ZNF407: variants seen among roughly 807,000 people sequenced by gnomAD.
ZNF407 encodes zinc finger protein 407.
In ZNF407, 17 loss-of-function variants were observed where a neutral mutation model predicts 131.2. That is an observed-to-expected ratio of 0.13 (90% confidence interval 0.09 to 0.19). The LOEUF (loss-of-function observed/expected upper bound fraction) is 0.19. Ranked by LOEUF, ZNF407 falls within the 10% of genes least tolerant of loss-of-function variation. The pLI, the probability that ZNF407 is intolerant of heterozygous loss-of-function variation, is 1.00. For missense variants in ZNF407, 2,681 were observed against 2,830.6 expected (o/e 0.95, Z 1.20); for synonymous variants, 1,156 against 1,062.0 (o/e 1.09, Z -1.72).
intron 3 of ZNF407, among the ~76,000 whole-genome samples, chr18:74,651,963 A>G (rs985186030): frequency 1.3e-5 from 2 of 152,156 alleles, no homozygotes; most frequent in African/African-American, 4.8e-5. Flanking sequence ...TATACTGAGT[A>G]CAGACCAGTG....
At chr18:74,975,699 C>T (rs564994674) in intron 8 of ZNF407, among the ~76,000 whole-genome samples, 176 of 152,300 alleles carry the variant, frequency 1.2e-3, no homozygotes, top group Non-Finnish European at 1.9e-3. Flanking sequence ...TGATCAGCTT[C>T]AGTGAGTATA....
intron 3 of ZNF407, among the ~76,000 whole-genome samples, chr18:74,684,597 G>A (rs1337339117): frequency 6.6e-6 from 1 of 152,136 alleles, no homozygotes; most frequent in Non-Finnish European, 1.5e-5. Flanking sequence ...TGTAAACTGA[G>A]TATCGTACTG....
chr18:74,933,367 A>G (rs1005413436), intron 8 of ZNF407, among the ~76,000 whole-genome samples: 1 of 152,190 alleles, frequency 6.6e-6, no homozygotes, highest in African/African-American at 2.4e-5. Context: ...GTCGAAGTCA[A>G]AGAGATAGAA....
chr18:74,986,065 T>G (rs2920353), intron 8 of ZNF407, among the ~76,000 whole-genome samples: 31,303 of 152,118 alleles, frequency 0.21, 3,666 homozygotes, highest in Admixed American at 0.3. Flanking sequence ...ATACAGCATT[T>G]TTGCCATCTC....
At chr18:74,746,869 A>G (rs1968681613) in intron 3 of ZNF407, among the ~76,000 whole-genome samples, 3 of 152,296 alleles carry the variant, frequency 2.0e-5, no homozygotes, top group Admixed American at 1.3e-4. Context: ...TAAGCCGGTA[A>G]CATAGTTGTT....
intron 8 of ZNF407, among the ~76,000 whole-genome samples, chr18:75,026,536 A>T (rs544831960): frequency 2.0e-4 from 30 of 152,354 alleles, no homozygotes; most frequent in African/African-American, 6.7e-4. Context: ...GAAACACAAG[A>T]ATAAACAATT....
intron 3 of ZNF407, among the ~76,000 whole-genome samples, chr18:74,681,856 G>A (rs900707686): frequency 2.0e-5 from 3 of 151,922 alleles, no homozygotes; most frequent in Non-Finnish European, 4.4e-5. Context: ...TCATTTAATG[G>A]CATTGTTAGT....
intron 4 of ZNF407, among the ~76,000 whole-genome samples, chr18:74,828,605 A>C (rs983878812): frequency 6.6e-6 from 1 of 152,220 alleles, no homozygotes; most frequent in Non-Finnish European, 1.5e-5. Context: ...AGCACTGCTT[A>C]TGGGAACCTG....
rs113623504 is a variant in ZNF407 at position 74,823,618 on chromosome 18, G to A, written c.4877+42116G>A. ...CAAAGATCAAAAGAGACAAAGAAGG[G>A]CATTACATAATGGTAAAGGTATCAA... On this transcript the variant is annotated intron_variant, in intron 4 of 8. Transcript: ENST00000299687. Among the ~76,000 whole-genome samples, 947 of 152,166 alleles carry A rather than the reference G, an allele frequency of 6.2e-3. 12 individuals carry two copies. Among genetic ancestry groups the A allele is most frequent in the African/African-American group, 0.018 (767 of 41,520 alleles).
At chr18:74,765,149 C>G (rs140114791) in intron 3 of ZNF407, among the ~76,000 whole-genome samples, 2 of 152,208 alleles carry the variant, frequency 1.3e-5, no homozygotes, top group African/African-American at 2.4e-5. Context: ...TTCCTAGAAC[C>G]AATTCCCCAG....
intron 3 of ZNF407, among the ~76,000 whole-genome samples, chr18:74,655,404 G>GA (rs527462579): frequency 8.8e-4 from 134 of 151,940 alleles, no homozygotes; most frequent in Non-Finnish European, 1.8e-3. Context: ...TTTATTATTT[G>GA]AAAAAATATA....
chr18:74,877,164 A>G (rs746438441), intron 4 of ZNF407, 33 bp from the exon 5 acceptor site: 5 of 1,606,952 alleles, frequency 3.1e-6, no homozygotes, highest in Non-Finnish European at 4.3e-6. Context: ...TGTGCGGGCC[A>G]TATTTATATT....
intron 4 of ZNF407, among the ~76,000 whole-genome samples, chr18:74,828,401 A>G (rs1045007061): frequency 6.6e-6 from 1 of 152,188 alleles, no homozygotes; most frequent in Admixed American, 6.5e-5. Flanking sequence ...TGGCCAGGAA[A>G]AGTTTCCACA....
At chr18:75,015,617 C>T (rs1973034875) in intron 8 of ZNF407, among the ~76,000 whole-genome samples, 1 of 149,444 alleles carries the variant, frequency 6.7e-6, no homozygotes, top group Admixed American at 6.7e-5. Flanking sequence ...CTTCAGACTT[C>T]CTAGCTAGAT....
At chr18:74,994,834 G>A (rs151311629) in intron 8 of ZNF407, among the ~76,000 whole-genome samples, 44 of 152,254 alleles carry the variant, frequency 2.9e-4, no homozygotes, top group African/African-American at 1.0e-3. Flanking sequence ...CAGAATTCTG[G>A]GAGTGACTTT....
At position 74,632,756 on chromosome 18, in the gene ZNF407, C is replaced by T. The variant is rs1407628596; in HGVS notation, c.1737C>T (p.Asn579=). 1 of 1,613,966 alleles carries T rather than the reference C, an allele frequency of 6.2e-7. No homozygotes were observed. The highest frequency in any genetic ancestry group is 1.1e-5 in the South Asian group (1 of 91,088). The part of the protein sequence containing the change: ...RRDLDEHLHS[N]QHQQTASVLS... ...ACTTAGATGAACATTTGCACAGTAA[C>T]CAGCATCAGCAAACTGCTTCTGTCC... Residue 579 remains asparagine, a synonymous_variant, in exon 2 of 9, where the codon AAC becomes AAT. Transcript: ENST00000299687.
intron 4 of ZNF407, among the ~76,000 whole-genome samples, chr18:74,818,169 G>T (rs12327248): frequency 1.3e-5 from 2 of 152,118 alleles, no homozygotes; most frequent in Non-Finnish European, 2.9e-5. Context: ...TGGTGAGTCC[G>T]CCTGTGCCCA....
At chr18:74,699,378 C>A (rs1192355122) in intron 3 of ZNF407, among the ~76,000 whole-genome samples, 2 of 152,074 alleles carry the variant, frequency 1.3e-5, no homozygotes, top group Non-Finnish European at 2.9e-5. Context: ...TATTAAAAAA[C>A]CCAGAATTTA....
chr18:74,627,258 G>A (rs1278392098), intron 1 of ZNF407, among the ~76,000 whole-genome samples: 1 of 152,152 alleles, frequency 6.6e-6, no homozygotes, highest in African/African-American at 2.4e-5. Flanking sequence ...GCAATGTATT[G>A]TCTCGATGTC....
Sources: gnomAD v4.1 joint callset for allele counts (sites outside exome capture counted in the v4.1 genomes callset) on GRCh38, gnomAD v4.1.1 for gene constraint, MANE v1.5 for transcripts, NCBI Gene and HGNC (gene_info 2026-07-23, HGNC 2026-07-21) for gene names.